Variants in RUNDC3B observed in about 807,000 individuals in gnomAD.
RUNDC3B encodes the protein RUN domain containing 3B.
In RUNDC3B, 33 loss-of-function variants were observed where a neutral mutation model predicts 58.4. The observed-to-expected ratio is 0.56, with a 90% CI of 0.43 to 0.75. The LOEUF (loss-of-function observed/expected upper bound fraction) is 0.75. Among genes scored for constraint, RUNDC3B ranks in the 30% least tolerant of loss-of-function variants. RUNDC3B has a pLI of 0.00. For missense variants in RUNDC3B, 501 were observed against 535.7 expected (o/e 0.94, Z 0.64); for synonymous variants, 193 against 195.2 (o/e 0.99, Z 0.10).
At chr7:87,735,140 C>A (rs1831852019) in intron 4 of RUNDC3B, among the ~76,000 whole-genome samples, 1 of 152,152 alleles carries the variant, frequency 6.6e-6, no homozygotes, top group African/African-American at 2.4e-5. Context: ...CCTTTCTTAG[C>A]AAATGTTATC....
chr7:87,816,341 A>G lies in RUNDC3B; in HGVS notation c.1225+79A>G, dbSNP rs1019621385. 1.2e-4 allele frequency: 127 copies of G among 1,059,022 alleles called. 5 individuals are homozygous for G. The Admixed American group carries it at 2.6e-3, about 21-fold the overall frequency. 65.6% of individuals were successfully genotyped at this position (1,059,022 alleles called of 1,614,324 possible). A position where few individuals can be genotyped will look rare whatever the true frequency, so the allele number is the denominator to read the frequency against. ...TTTGGTTGCAGATGATTGCCAGAGA[A>G]TAATAGTGACATCTCTGTTAATCAT... On this transcript the variant is annotated intron_variant, in intron 10 of 10. Transcript: ENST00000394654.
chr7:87,766,086 G>C (rs117897658), intron 6 of RUNDC3B, among the ~76,000 whole-genome samples: 4,241 of 152,180 alleles, frequency 0.028, 59 homozygotes, highest in Middle Eastern at 0.048. Context: ...TTTAAAGTCT[G>C]TTTTGTATGA....
chr7:87,628,835 G>C lies in RUNDC3B; in HGVS notation c.12G>C (p.Arg4=). 1 of 1,259,610 alleles carries C rather than the reference G, an allele frequency of 7.9e-7. No individual in the cohort carries two copies. The highest frequency in any genetic ancestry group is 1.0e-6 in the Non-Finnish European group (1 of 994,180). The allele number at this position is 1,259,610 out of a possible 1,614,324, so 78.0% of individuals were successfully genotyped here. A position where few individuals can be genotyped will look rare whatever the true frequency, so the allele number is the denominator to read the frequency against. The change falls in exon 1 of 11, where the codon CGG becomes CGC. Residue 4 remains arginine (R), a synonymous_variant. Coordinates refer to ENST00000394654, the MANE Select transcript of RUNDC3B (RefSeq NM_001134405.2). MAS[R]SLGGLSGIRG... Reference sequence around the variant, plus strand: ...GGGGTAAGCCCGCCATGGCCTCCCGGAGCCTGGGGGGCCTGAGCGGGATCC... The same window carrying C: ...GGGGTAAGCCCGCCATGGCCTCCCGCAGCCTGGGGGGCCTGAGCGGGATCC...
At chr7:87,807,646 G>A (rs570851205) in intron 9 of RUNDC3B, 127 bp downstream of exon 9, 89 of 688,634 alleles carry the variant, frequency 1.3e-4, no homozygotes, top group Admixed American at 2.0e-4. Flanking sequence ...ACAAGATTTC[G>A]GACTACTTTG....
rs1327934873 is a variant in RUNDC3B at position 87,705,309 on chromosome 7, C to A, written c.372+4755C>A. 6.6e-5 allele frequency among the ~76,000 whole-genome samples: 10 copies of A among 152,064 alleles called. 1 individual carries two copies. The highest frequency in any genetic ancestry group is 1.5e-5 in the Non-Finnish European group (1 of 68,002). On this transcript the variant is annotated intron_variant, in intron 3 of 10. Coordinates refer to ENST00000394654, the MANE Select transcript of RUNDC3B (RefSeq NM_001134405.2). ...GGAGTGGTAGCGCATGCCTGTAATCCCAGCTACTTGGGAGGCTGAGGCAGG... is the reference window on the plus strand; with the variant it reads ...GGAGTGGTAGCGCATGCCTGTAATCACAGCTACTTGGGAGGCTGAGGCAGG...
At chr7:87,640,338 T>C (rs1822302634) in intron 1 of RUNDC3B, among the ~76,000 whole-genome samples, 7 of 151,892 alleles carry the variant, frequency 4.6e-5, no homozygotes, top group Admixed American at 4.6e-4. Context: ...TTGGTTATTA[T>C]CTTCTTTTTA....
rs1403444891 is a variant in RUNDC3B at position 87,739,916 on chromosome 7, C to A, written c.548+36C>A. ...AAATGCATTCAGTTTTTAAATTATTCTATATCTTAATAGTTTCTACTTATG... is the reference window on the plus strand; with the variant it reads ...AAATGCATTCAGTTTTTAAATTATTATATATCTTAATAGTTTCTACTTATG... On this transcript the variant is annotated intron_variant, in intron 5 of 10. Transcript: ENST00000394654. 4 of 1,016,632 alleles carry A rather than the reference C, an allele frequency of 3.9e-6. No individual in the cohort carries two copies. The East Asian group carries it at 7.5e-5, about 19-fold the overall frequency. The allele number at this position is 1,016,632 out of a possible 1,614,324, so 63.0% of individuals were successfully genotyped here.
chr7:87,793,442 C>T (rs558501473), intron 8 of RUNDC3B, among the ~76,000 whole-genome samples: 3 of 152,090 alleles, frequency 2.0e-5, no homozygotes, highest in Non-Finnish European at 2.9e-5. Flanking sequence ...TACTAGCAAA[C>T]CAAATTCAAC....
At chr7:87,823,421 A>T (rs993927843) in intron 10 of RUNDC3B, among the ~76,000 whole-genome samples, 17 of 146,030 alleles carry the variant, frequency 1.2e-4, no homozygotes, top group Non-Finnish European at 2.3e-4. Flanking sequence ...TATTTTTTTT[A>T]ATTTTTTTAT....
chr7:87,765,819 G>C (rs1295541074), intron 6 of RUNDC3B, among the ~76,000 whole-genome samples: 1 of 152,016 alleles, frequency 6.6e-6, no homozygotes, highest in African/African-American at 2.4e-5. Context: ...ATTTGCTCTA[G>C]AGTCTAATTT....
In RUNDC3B at chr7:87,788,671, A is replaced by G. The variant is rs117924488; in HGVS notation, c.956+10716A>G. ...TATATGGAAAGTTTGTTAAAAGATT[A>G]AAAAATGTATTTGTTTATGGCCTTT... is the stretch of plus-strand genomic sequence containing the variant. On this transcript the variant is annotated intron_variant, in intron 8 of 10. Coordinates refer to ENST00000394654, the MANE Select transcript of RUNDC3B (RefSeq NM_001134405.2). Among the ~76,000 whole-genome samples the G allele has an allele frequency of 6.5e-3, 986 of 151,586 alleles. 5 individuals carry two copies. Among genetic ancestry groups the G allele is most frequent in the Admixed American group, 0.011 (173 of 15,220 alleles).
intron 2 of RUNDC3B, among the ~76,000 whole-genome samples, chr7:87,669,409 G>A (rs1198965793): frequency 2.0e-5 from 3 of 152,044 alleles, no homozygotes; most frequent in African/African-American, 7.2e-5. Flanking sequence ...GCATACCATT[G>A]GGTCTTGCTT....
intron 2 of RUNDC3B, among the ~76,000 whole-genome samples, chr7:87,684,477 T>A (rs1827241704): frequency 6.6e-6 from 1 of 151,976 alleles, no homozygotes; most frequent in African/African-American, 2.4e-5. Flanking sequence ...AGCTTATACG[T>A]ATAGATAAAT....
At chr7:87,733,275 G>C (rs1831707268) in intron 4 of RUNDC3B, among the ~76,000 whole-genome samples, 1 of 152,150 alleles carries the variant, frequency 6.6e-6, no homozygotes, top group Admixed American at 6.5e-5. Flanking sequence ...CTCTGCAGGG[G>C]GAAGCACATC....
intron 4 of RUNDC3B, among the ~76,000 whole-genome samples, chr7:87,711,104 A>T (rs1204774319): frequency 6.6e-6 from 1 of 152,102 alleles, no homozygotes; most frequent in Admixed American, 6.6e-5. Flanking sequence ...AGGCTGGCAG[A>T]TCACCTGAGG....
At position 87,628,757 on chromosome 7, in the gene RUNDC3B, C is replaced by T; in HGVS notation, c.-67C>T. On this transcript the variant is annotated 5_prime_UTR_variant, in exon 1 of 11. Coordinates refer to ENST00000394654, the MANE Select transcript of RUNDC3B (RefSeq NM_001134405.2). ...CACGGTTGCGGACCGAGCGAGAACC[C>T]CCTTAAGCAGGTGTGGGGGGCGTGC... The T allele has an allele frequency of 9.9e-7, 1 of 1,009,062 alleles. No homozygotes were observed. The highest frequency in any genetic ancestry group is 1.3e-6 in the Non-Finnish European group (1 of 772,432). The allele number at this position is 1,009,062 out of a possible 1,614,324, so 62.5% of individuals were successfully genotyped here.
chr7:87,746,526 A>G (rs2130822220), intron 6 of RUNDC3B, among the ~76,000 whole-genome samples: 1 of 152,262 alleles, frequency 6.6e-6, no homozygotes, highest in East Asian at 1.9e-4. Context: ...TAGGATTGTG[A>G]TATTTTCCTG....
intron 1 of RUNDC3B, among the ~76,000 whole-genome samples, chr7:87,641,905 A>G (rs1822496491): frequency 6.6e-6 from 1 of 152,138 alleles, no homozygotes; most frequent in Admixed American, 6.5e-5. Flanking sequence ...ACAGAACCAA[A>G]TCTTCTGTTA....
rs1829997364 is a variant in RUNDC3B, at chr7:87,710,709, CTCAGAAA to C, written c.458+61_458+67del. ...TATATTTGAAAGAATCACCTGAAGA[CTCAGAAA>C]TCAGAATAGGATGAAGAATCAATTT... On this transcript the variant is annotated intron_variant, in intron 4 of 10. Coordinates refer to ENST00000394654, the MANE Select transcript of RUNDC3B (RefSeq NM_001134405.2). 3.4e-5 allele frequency: 33 copies of C among 979,890 alleles called. No homozygotes were observed. In the South Asian group the frequency reaches 4.6e-4, roughly 14 times the overall value. 60.7% of individuals were successfully genotyped at this position (979,890 alleles called of 1,614,324 possible). A position where few individuals can be genotyped will look rare whatever the true frequency, so the allele number is the denominator to read the frequency against.
Sources: gnomAD v4.1 joint callset for allele counts (sites outside exome capture counted in the v4.1 genomes callset) on GRCh38, gnomAD v4.1.1 for gene constraint, MANE v1.5 for transcripts, NCBI Gene and HGNC (gene_info 2026-07-23, HGNC 2026-07-21) for gene names.